Variants in BRAF observed in about 807,000 individuals in gnomAD.
BRAF encodes serine/threonine-protein kinase B-raf.
A neutral mutation model predicts 104.6 loss-of-function variants in BRAF; 16 were observed. That is an observed-to-expected ratio of 0.15 (90% CI 0.10 to 0.23). The LOEUF (loss-of-function observed/expected upper bound fraction) is 0.23. Ranked by LOEUF, BRAF falls within the 10% of genes least tolerant of loss-of-function variation. BRAF has a pLI of 1.00. For missense variants in BRAF, 541 were observed against 937.3 expected, an observed-to-expected ratio of 0.58 and a Z score of 5.52; for synonymous variants, 310 against 341.6, an observed-to-expected ratio of 0.91 and a Z score of 1.02.
intron 2 of BRAF, among the ~76,000 whole-genome samples, chr7:140,845,969 G>A (rs555924835): frequency 2.6e-5 from 4 of 152,202 alleles, no homozygotes; most frequent in African/African-American, 7.2e-5. Context: ...GTGAGCCACC[G>A]CGCTCAGCCT....
At chr7:140,806,704 G>A (rs1803689810) in intron 5 of BRAF, among the ~76,000 whole-genome samples, 1 of 152,116 alleles carries the variant, frequency 6.6e-6, no homozygotes, top group African/African-American at 2.4e-5. Flanking sequence ...AAAATGTTAA[G>A]ATTTATCCAC....
At chr7:140,790,225 T>C (rs1386954184) in intron 8 of BRAF, among the ~76,000 whole-genome samples, 3 of 152,236 alleles carry the variant, frequency 2.0e-5, no homozygotes, top group Non-Finnish European at 4.4e-5. Context: ...TCCACAACTA[T>C]GGATTAACCA....
At chr7:140,860,073 G>T (rs574595210) in intron 1 of BRAF, among the ~76,000 whole-genome samples, 4 of 152,242 alleles carry the variant, frequency 2.6e-5, no homozygotes, top group African/African-American at 9.6e-5. Context: ...GTGTTACCAG[G>T]AAAACAAGAC....
intron 1 of BRAF, among the ~76,000 whole-genome samples, chr7:140,919,441 C>T (rs551460851): frequency 5.3e-5 from 8 of 151,298 alleles, no homozygotes; most frequent in Non-Finnish European, 7.4e-5. Flanking sequence ...AGTCTTGATA[C>T]AGGAAGGAAT....
intron 17 of BRAF, among the ~76,000 whole-genome samples, chr7:140,747,965 C>T (rs1005298259): frequency 5.9e-5 from 9 of 152,162 alleles, no homozygotes; most frequent in Non-Finnish European, 1.3e-4. Flanking sequence ...AAAGCTAAGA[C>T]TCAACATTCT....
intron 14 of BRAF, among the ~76,000 whole-genome samples, chr7:140,771,239 A>G (rs1279623364): frequency 6.6e-6 from 1 of 152,180 alleles, no homozygotes; most frequent in Non-Finnish European, 1.5e-5. Context: ...TCTGTCATCC[A>G]GGGCGGAGTG....
chr7:140,863,527 A>T (rs1278804016), intron 1 of BRAF, among the ~76,000 whole-genome samples: 1 of 152,236 alleles, frequency 6.6e-6, no homozygotes, highest in African/African-American at 2.4e-5. Flanking sequence ...TATTTTACTA[A>T]CAATTTACTT....
chr7:140,722,231 T>C lies in BRAF; in HGVS notation c.*4263A>G, dbSNP rs1213665518. 2 of 1,056,030 alleles carry C rather than the reference T, an allele frequency of 1.9e-6. No individual in the cohort carries two copies. Among genetic ancestry groups the C allele is most frequent in the East Asian group, 1.1e-4 (2 of 18,834 alleles). The allele number at this position is 1,056,030 out of a possible 1,614,324, so 65.4% of individuals were successfully genotyped here. On this transcript the variant is annotated 3_prime_UTR_variant, in exon 20 of 20. Transcript: ENST00000644969. ...GGATTATGTGCTTTAAAAAAATAAT[T>C]TTGTTCACTGAAAATTTACCTGTGT...
intron 3 of BRAF, among the ~76,000 whole-genome samples, chr7:140,823,355 C>A (rs1459064322): frequency 6.6e-6 from 1 of 152,144 alleles, no homozygotes; most frequent in Non-Finnish European, 1.5e-5. Context: ...AAGCACCATT[C>A]TACTCTGTGT....
At chr7:140,871,625 G>C (rs1443296031) in intron 1 of BRAF, among the ~76,000 whole-genome samples, 1 of 151,992 alleles carries the variant, frequency 6.6e-6, no homozygotes, top group Non-Finnish European at 1.5e-5. Context: ...ATAAAAAACA[G>C]ACATGCAATT....
intron 19 of BRAF, among the ~76,000 whole-genome samples, chr7:140,727,560 A>G (rs1795675866): frequency 1.3e-5 from 2 of 152,016 alleles, no homozygotes; most frequent in South Asian, 4.1e-4. Flanking sequence ...TACACACCAT[A>G]GTTAATTTCT....
At chr7:140,801,315 G>T (rs1461532534) in intron 6 of BRAF, 97 bp downstream of exon 6, 25 of 1,411,398 alleles carry the variant, frequency 1.8e-5, no homozygotes, top group African/African-American at 2.9e-5. Context: ...TCGTATGGAA[G>T]AAAAACCCTC....
chr7:140,856,934 A>G (rs1282749784), intron 1 of BRAF, among the ~76,000 whole-genome samples: 1 of 152,200 alleles, frequency 6.6e-6, no homozygotes, highest in African/African-American at 2.4e-5. Context: ...CAACCTAGAA[A>G]AAGGAAACTG....
At position 140,790,044 on chromosome 7, in the gene BRAF, T is replaced by C. The variant is rs532094065; in HGVS notation, c.1141-2460A>G. ...TGCACCCAGCCGATAAGATTTTTAG[T>C]GCTGTGTATGATAACTATAGGACTT... On this transcript the variant is annotated intron_variant, in intron 8 of 19. Coordinates refer to ENST00000644969, the MANE Select transcript of BRAF (RefSeq NM_001374258.1). Among the ~76,000 whole-genome samples the C allele has an allele frequency of 3.9e-5, 6 of 152,266 alleles. No individual in the cohort carries two copies. The East Asian group carries it at 9.6e-4, about 24-fold the overall frequency.
intron 1 of BRAF, among the ~76,000 whole-genome samples, chr7:140,915,997 C>CAGAA (rs1000752070): frequency 1.0e-4 from 13 of 124,118 alleles, no homozygotes; most frequent in African/African-American, 4.4e-4. Context: ...AACAAACAAA[C>CAGAA]AAAAAAAACC....
In BRAF at chr7:140,720,607, AAT is replaced by A; in HGVS notation, c.*5885_*5886del. On this transcript the variant is annotated 3_prime_UTR_variant, in exon 20 of 20. Coordinates refer to ENST00000644969, the MANE Select transcript of BRAF (RefSeq NM_001374258.1). ...TGCACTCTTACATTTGATTTCAGGT[AAT>A]TACAGTTTATTTCCCACCCTCACAT... 9.4e-7 allele frequency: 1 copy of A among 1,065,518 alleles called. No individual in the cohort carries two copies. Among genetic ancestry groups the A allele is most frequent in the African/African-American group, 1.6e-5 (1 of 61,132 alleles). The allele number at this position is 1,065,518 out of a possible 1,614,324, so 66.0% of individuals were successfully genotyped here. A position where few individuals can be genotyped will look rare whatever the true frequency, so the allele number is the denominator to read the frequency against.
intron 14 of BRAF, among the ~76,000 whole-genome samples, chr7:140,767,958 C>T (rs1231037598): frequency 6.6e-6 from 1 of 152,076 alleles, no homozygotes; most frequent in Non-Finnish European, 1.5e-5. Context: ...CCCCACAGAA[C>T]ATAGTTGGCA....
At chr7:140,773,763 C>T (rs1346187465) in intron 14 of BRAF, among the ~76,000 whole-genome samples, 3 of 152,162 alleles carry the variant, frequency 2.0e-5, no homozygotes, top group South Asian at 2.1e-4. Flanking sequence ...GAGGATTCTA[C>T]GGTATAAACC....
intron 14 of BRAF, among the ~76,000 whole-genome samples, chr7:140,762,895 CA>C (rs1282798681): frequency 2.6e-5 from 4 of 152,196 alleles, no homozygotes; most frequent in African/African-American, 9.6e-5. Flanking sequence ...GTGGACACAG[CA>C]CATGTTTCAG....
Sources: allele counts gnomAD v4.1 joint callset (sites outside exome capture counted in the v4.1 genomes callset), GRCh38; gene constraint gnomAD v4.1.1; transcripts MANE v1.5; gene names NCBI Gene and HGNC (gene_info 2026-07-23, HGNC 2026-07-21).